ATP7A: variants seen among roughly 807,000 people sequenced by gnomAD.
ATP7A encodes copper-transporting ATPase 1.
In ATP7A, 7 loss-of-function variants were observed where a neutral mutation model predicts 83.5. That is an observed-to-expected ratio of 0.08 (90% CI 0.05 to 0.16). ATP7A has a LOEUF of 0.16. Among genes scored for constraint, ATP7A ranks in the 10% least tolerant of loss-of-function variants. The pLI is 1.00. For synonymous variants in ATP7A, 354 were observed against 395.2 expected (o/e 0.90, Z 1.24); for missense variants, 940 against 1,120.8 (o/e 0.84, Z 2.30).
chrX:77,966,968 G>A (rs1223860283), intron 1 of ATP7A: 2 of 252,015 alleles, frequency 7.9e-6, no homozygotes, highest in Middle Eastern at 1.2e-3. Flanking sequence ...TGTTCTCATT[G>A]TTCAACTCCC....
At chrX:77,921,337 GTT>G (rs2077213772) in intron 1 of ATP7A, among the ~76,000 whole-genome samples, 1 of 111,711 alleles carries the variant, frequency 9.0e-6, no homozygotes, top group African/African-American at 3.3e-5. Context: ...CTTCAAGGCC[GTT>G]TACCTAACAA....
At chrX:77,972,316 C>A (rs1557229774) in intron 2 of ATP7A, among the ~76,000 whole-genome samples, 1 of 110,672 alleles carries the variant, frequency 9.0e-6, no homozygotes, top group African/African-American at 3.3e-5. Flanking sequence ...CTCGGCCTCC[C>A]AAGTACCTAG....
At chrX:78,024,824 A>G (rs2149102266) in intron 14 of ATP7A, among the ~76,000 whole-genome samples, 1 of 111,673 alleles carries the variant, frequency 9.0e-6, no homozygotes, top group African/African-American at 3.3e-5. Context: ...TTGCTGGCAC[A>G]GGATCAGGAG....
At chrX:78,014,160 C>A (rs984923088) in intron 10 of ATP7A, among the ~76,000 whole-genome samples, 1 of 110,450 alleles carries the variant, frequency 9.1e-6, no homozygotes, top group Non-Finnish European at 1.9e-5. Flanking sequence ...GTAATCCCAG[C>A]GCTTTGGGAG....
chrX:77,921,393 T>C (rs2077214136), intron 1 of ATP7A, among the ~76,000 whole-genome samples: 1 of 112,324 alleles, frequency 8.9e-6, no homozygotes. Flanking sequence ...AGTGGACTTC[T>C]AGTCAGCCTT....
intron 1 of ATP7A, among the ~76,000 whole-genome samples, chrX:77,931,009 C>CTTT (rs11379657): frequency 5.9e-5 from 4 of 67,259 alleles, no homozygotes; most frequent in Non-Finnish European, 1.1e-4. Flanking sequence ...TTTTTTTTAC[C>CTTT]TTTTTTTTTA....
chrX:77,956,634 A>G (rs1479834747), intron 1 of ATP7A, among the ~76,000 whole-genome samples: 1 of 111,403 alleles, frequency 9.0e-6, no homozygotes, highest in East Asian at 2.8e-4. Context: ...TTGAGGCTTC[A>G]CTGGAAGCTG....
At chrX:77,931,964 C>T (rs1363823220) in intron 1 of ATP7A, among the ~76,000 whole-genome samples, 5 of 104,816 alleles carry the variant, frequency 4.8e-5, no homozygotes, top group African/African-American at 1.8e-4. Context: ...CCCCCACCTC[C>T]CTCCCGGACG....
chrX:78,047,929 A>C lies in ATP7A; in HGVS notation c.*1359A>C, dbSNP rs2078092606. On this transcript the variant is annotated 3_prime_UTR_variant, in exon 23 of 23. Transcript: ENST00000341514. The stretch of plus-strand genomic sequence containing the variant: ...TTTGCTAGTATATATAATTTAATAG[A>C]TTTTATTTATCTTTTAGTGTTTCAG... The C allele has an allele frequency of 1.8e-5, 2 of 111,981 alleles. No individual in the cohort carries two copies. Among genetic ancestry groups the C allele is most frequent in the African/African-American group, 6.5e-5 (2 of 30,789 alleles). The allele number at this position is 111,981 out of a possible 1,213,427, so 9.2% of individuals were successfully genotyped here. A position where few individuals can be genotyped will look rare whatever the true frequency, so the allele number is the denominator to read the frequency against.
intron 1 of ATP7A, among the ~76,000 whole-genome samples, chrX:77,930,900 G>A (rs1472791590): frequency 9.1e-6 from 1 of 109,667 alleles, no homozygotes; most frequent in Non-Finnish European, 1.9e-5. Flanking sequence ...TGGTACATGG[G>A]GTCTGAACAG....
chrX:78,043,961 A>G (rs1156586891), intron 21 of ATP7A, among the ~76,000 whole-genome samples: 4 of 106,470 alleles, frequency 3.8e-5, no homozygotes, highest in African/African-American at 1.0e-4. Context: ...CCCAGCCTTC[A>G]ACTTTGTATT....
At chrX:77,958,417 G>T (rs1557227646) in intron 1 of ATP7A, among the ~76,000 whole-genome samples, 1 of 111,547 alleles carries the variant, frequency 9.0e-6, no homozygotes, top group Non-Finnish European at 1.9e-5. Flanking sequence ...GTAGGTGCAT[G>T]AATTTATTTT....
At chrX:77,931,535 T>C (rs1324571825) in intron 1 of ATP7A, among the ~76,000 whole-genome samples, 3 of 112,333 alleles carry the variant, frequency 2.7e-5, no homozygotes, top group Non-Finnish European at 5.7e-5. Flanking sequence ...TGGGTACACC[T>C]CCCAGAGGGG....
At chrX:77,946,257 G>A (rs1305070226) in intron 1 of ATP7A, among the ~76,000 whole-genome samples, 3 of 104,429 alleles carry the variant, frequency 2.9e-5, no homozygotes, top group Non-Finnish European at 5.8e-5. Context: ...CCGAGATTGC[G>A]CCATTGCACT....
chrX:77,937,885 T>TCA (rs1190663390), intron 1 of ATP7A, among the ~76,000 whole-genome samples: 40 of 105,770 alleles, frequency 3.8e-4, no homozygotes, highest in African/African-American at 9.0e-4. Flanking sequence ...TCTCTCTCTC[T>TCA]CTCACACACA....
chrX:77,922,543 C>T (rs2077221719), intron 1 of ATP7A, among the ~76,000 whole-genome samples: 1 of 111,196 alleles, frequency 9.0e-6, no homozygotes, highest in South Asian at 3.8e-4. Flanking sequence ...ATATAATACC[C>T]TCCTAGACTT....
intron 14 of ATP7A, among the ~76,000 whole-genome samples, chrX:78,022,143 G>A (rs1376736681): frequency 2.7e-5 from 3 of 111,340 alleles, no homozygotes; most frequent in Non-Finnish European, 5.7e-5. Flanking sequence ...GCCCTTCAAA[G>A]TGTCTGCAGA....
intron 1 of ATP7A, among the ~76,000 whole-genome samples, chrX:77,950,616 T>C (rs1557226698): frequency 1.8e-5 from 2 of 111,912 alleles, no homozygotes; most frequent in Non-Finnish European, 3.8e-5. Context: ...TTTTAAAAGT[T>C]ATTAGTGAGG....
At position 78,021,033 on chromosome X, in the gene ATP7A, T is replaced by C. The variant is rs781922067; in HGVS notation, c.2870T>C (p.Ile957Thr). Residue 957 changes from isoleucine (I) to threonine (T), a missense_variant, in exon 14 of 23, where the codon ATT (isoleucine) becomes ACT (threonine). Physicochemically the swap from Ile to Thr is moderately conservative, Grantham distance 89. Transcript: ENST00000341514. ...FVSIATLLVW[I>T]VIGFLNFEIV... ...TCCATTGCCACCCTCTTGGTATGGA[T>C]TGTAATTGGATTTCTGAATTTTGAA... The C allele has an allele frequency of 8.3e-7, 1 of 1,207,446 alleles. No individual in the cohort carries two copies. Among genetic ancestry groups the C allele is most frequent in the Non-Finnish European group, 1.1e-6 (1 of 892,018 alleles).
Sources: gnomAD v4.1 joint callset for allele counts (sites outside exome capture counted in the v4.1 genomes callset) on GRCh38, gnomAD v4.1.1 for gene constraint, MANE v1.5 for transcripts, NCBI Gene and HGNC (gene_info 2026-07-23, HGNC 2026-07-21) for gene names.